ADGRB1: variants seen among roughly 807,000 people sequenced by gnomAD.
The protein encoded by ADGRB1 is brain-specific angiogenesis inhibitor 1.
A neutral mutation model predicts 175.7 loss-of-function variants in ADGRB1; 36 were observed. The ratio of observed to expected loss-of-function variants is 0.20; its 90% CI spans 0.16 to 0.27. The LOEUF (loss-of-function observed/expected upper bound fraction) is 0.27. Ranked by LOEUF, ADGRB1 falls within the 10% of genes least tolerant of loss-of-function variation. The pLI is 1.00. For synonymous variants in ADGRB1, 1,054 were observed against 979.4 expected, an observed-to-expected ratio of 1.08 and a Z score of -1.42; for missense variants, 1,731 against 2,255.3, an observed-to-expected ratio of 0.77 and a Z score of 4.71.
rs966750009 is a variant in ADGRB1, at chr8:142,464,309, G to C, written c.111G>C (p.Gly37=). 7.0e-7 allele frequency: 1 copy of C among 1,435,910 alleles called. No homozygotes were observed. The highest frequency in any genetic ancestry group is 9.1e-7 in the Non-Finnish European group (1 of 1,101,912). 88.9% of individuals were successfully genotyped at this position (1,435,910 alleles called of 1,614,324 possible). A position where few individuals can be genotyped will look rare whatever the true frequency, so the allele number is the denominator to read the frequency against. The stretch of plus-strand genomic sequence containing the variant: ...GGGCGGCCGCCGGAGCAGACGCGGG[G>C]CCCGGGCCCGAGCCGTGCGCCACGC... ...RARAAAGADA[G]PGPEPCATLV... Residue 37 remains glycine, a synonymous_variant, in exon 2 of 31, where the codon GGG becomes GGC. Transcript: ENST00000517894.
At position 142,512,865 on chromosome 8, in the gene ADGRB1, T is replaced by G. The variant is rs1843177862; in HGVS notation, c.2817+1792T>G. 3.3e-5 allele frequency among the ~76,000 whole-genome samples: 5 copies of G among 152,036 alleles called. No individual in the cohort carries two copies. The South Asian group carries it at 1.0e-3, about 32-fold the overall frequency. ...GGGCTGAAGGGGGTGCCCCTGAAAT[T>G]CCAGCAGCAGGGGCCTTGATGCTGA... On this transcript the variant is annotated intron_variant, in intron 18 of 30. Coordinates refer to ENST00000517894, the MANE Select transcript of ADGRB1 (RefSeq NM_001702.3).
chr8:142,490,011 T>G (rs1221985383), intron 16 of ADGRB1, among the ~76,000 whole-genome samples: 1 of 152,174 alleles, frequency 6.6e-6, no homozygotes, highest in Non-Finnish European at 1.5e-5. Flanking sequence ...CGAGATGCCC[T>G]TCTGATGGGC....
rs974252897 is a variant in ADGRB1, at chr8:142,455,474, G to C, written c.-220+5370G>C. 6.6e-6 allele frequency among the ~76,000 whole-genome samples: 1 copy of C among 152,168 alleles called. No homozygotes were observed. The highest frequency in any genetic ancestry group is 2.1e-4 in the South Asian group (1 of 4,832). On this transcript the variant is annotated intron_variant, in intron 1 of 30. Coordinates refer to ENST00000517894, the MANE Select transcript of ADGRB1 (RefSeq NM_001702.3). The surrounding 1 kb of genome is among the most constrained non-coding windows in gnomAD (Gnocchi z 4.9). Reference sequence around the variant, plus strand: ...TTCGCTGTCAGGCCCCCAACCACTTGCCTTCCTGGGAGAGGAGCATGCGGC... The same window carrying C: ...TTCGCTGTCAGGCCCCCAACCACTTCCCTTCCTGGGAGAGGAGCATGCGGC...
intron 19 of ADGRB1, among the ~76,000 whole-genome samples, chr8:142,520,414 A>G (rs972901753): frequency 1.3e-3 from 3 of 2,318 alleles, no homozygotes; most frequent in African/African-American, 3.1e-3. Context: ...GGTAATGGTG[A>G]TAGTGGTAAT....
rs1462113824 is a variant in ADGRB1 at position 142,464,533 on chromosome 8, G to C, written c.335G>C (p.Arg112Pro). ...YQFDSFLEST[R>P]TYLGVESFDE... ...TTCGACTCCTTCCTCGAGTCCACGCGCACCTACCTGGGCGTGGAGAGCTTC... is the reference window on the plus strand; with the variant it reads ...TTCGACTCCTTCCTCGAGTCCACGCCCACCTACCTGGGCGTGGAGAGCTTC... The change falls in exon 2 of 31, where the codon CGC becomes CCC. Residue 112 changes from arginine to proline, a missense_variant. By Grantham distance (103) the Arg-to-Pro change is moderately radical. Coordinates refer to ENST00000517894, the MANE Select transcript of ADGRB1 (RefSeq NM_001702.3). The C allele has an allele frequency of 6.4e-7, 1 of 1,569,062 alleles. No individual in the cohort carries two copies. Among genetic ancestry groups the C allele is most frequent in the Non-Finnish European group, 8.6e-7 (1 of 1,160,412 alleles).
chr8:142,479,160 C>A, intron 7 of ADGRB1, 163 bp from the exon 8 acceptor site: 1 of 745,922 alleles, frequency 1.3e-6, no homozygotes, highest in Non-Finnish European at 1.9e-6. Flanking sequence ...CTCTCCTGGT[C>A]TGAATTTCCC....
At chr8:142,475,664 G>GGAGCCC in intron 3 of ADGRB1, 29 bp downstream of exon 3, 1 of 1,224,378 alleles carries the variant, frequency 8.2e-7, no homozygotes, top group East Asian at 3.2e-5. Context: ...GGGCGGAGCC[G>GGAGCCC]GAGCCCTGGA....
intron 17 of ADGRB1, among the ~76,000 whole-genome samples, chr8:142,502,414 G>GTGA (rs1563719046): frequency 4.9e-4 from 4 of 8,148 alleles, no homozygotes; most frequent in Non-Finnish European, 1.0e-3. Flanking sequence ...GGTGGTGGTG[G>GTGA]TGGTGATGGT....
chr8:142,495,254 C>G (rs1392674547), intron 17 of ADGRB1, among the ~76,000 whole-genome samples: 1 of 151,658 alleles, frequency 6.6e-6, no homozygotes, highest in Non-Finnish European at 1.5e-5. Flanking sequence ...AGCGGAAGAA[C>G]AGTCTCATGG....
chr8:142,533,413 G>A lies in ADGRB1; in HGVS notation c.3517G>A (p.Asp1173Asn), dbSNP rs755969656. ...ALFQILFAVFDSLEGFVIVMV... is the reference protein window; with the variant it reads ...ALFQILFAVFNSLEGFVIVMV... ...CTTCCAGATCCTCTTCGCTGTCTTCGACTCGCTGGAGGGCTTCGTCATCGT... is the reference window on the plus strand; with the variant it reads ...CTTCCAGATCCTCTTCGCTGTCTTCAACTCGCTGGAGGGCTTCGTCATCGT... Residue 1173 changes from aspartate to asparagine, a missense_variant, in exon 25 of 31, where the codon GAC (aspartate) becomes AAC (asparagine). Physicochemically the swap from Asp to Asn is conservative, Grantham distance 23. Coordinates refer to ENST00000517894, the MANE Select transcript of ADGRB1 (RefSeq NM_001702.3). 8.7e-6 allele frequency: 14 copies of A among 1,612,570 alleles called. No homozygotes were observed. The highest frequency in any genetic ancestry group is 3.3e-5 in the South Asian group (3 of 91,056).
intron 2 of ADGRB1, among the ~76,000 whole-genome samples, chr8:142,467,287 T>C (rs1272941703): frequency 4.6e-5 from 7 of 152,184 alleles, no homozygotes; most frequent in African/African-American, 1.7e-4. Flanking sequence ...GCAGAAGAGA[T>C]GTCAGCCCTG....
chr8:142,478,223 G>A lies in ADGRB1; in HGVS notation c.1424G>A (p.Ser475Asn). 1 of 1,607,822 alleles carries A rather than the reference G, an allele frequency of 6.2e-7. No homozygotes were observed. The highest frequency in any genetic ancestry group is 8.5e-7 in the Non-Finnish European group (1 of 1,177,882). The change falls in exon 7 of 31, where the codon AGC becomes AAC. Residue 475 changes from serine to asparagine, a missense_variant. Physicochemically the swap from Ser to Asn is conservative, Grantham distance 46. Around this residue, in one of 8 missense-constraint regions of ADGRB1, gnomAD observed 388 missense variants for 630.9 expected, o/e 0.61. Coordinates refer to ENST00000517894, the MANE Select transcript of ADGRB1 (RefSeq NM_001702.3). ...GATGGAAACTGGAATGAGTGGTCGA[G>A]CTGGAGCGCCTGCTCCGCCAGCTGC... Reference protein sequence around the residue: ...AVDGNWNEWSSWSACSASCSQ... With the variant: ...AVDGNWNEWSNWSACSASCSQ...
chr8:142,462,707 G>A (rs1840034554), intron 1 of ADGRB1, among the ~76,000 whole-genome samples: 1 of 152,252 alleles, frequency 6.6e-6, no homozygotes, highest in Admixed American at 6.5e-5. Context: ...CAGAGCGGAG[G>A]CATCCCCACC....
rs1263402306 is a variant in ADGRB1, at chr8:142,544,116, C to T, written c.4558-104C>T. The T allele has an allele frequency of 5.3e-5, 67 of 1,257,184 alleles. No individual in the cohort carries two copies. The South Asian group carries it at 8.5e-4, about 16-fold the overall frequency. The allele number at this position is 1,257,184 out of a possible 1,614,324, so 77.9% of individuals were successfully genotyped here. A position where few individuals can be genotyped will look rare whatever the true frequency, so the allele number is the denominator to read the frequency against. ...CCCCTGTCCCCTGTCCCCCACCTCCCGTCCCTTCCTCACTGATTCGTGTCT... is the reference window on the plus strand; with the variant it reads ...CCCCTGTCCCCTGTCCCCCACCTCCTGTCCCTTCCTCACTGATTCGTGTCT... On this transcript the variant is annotated intron_variant, in intron 30 of 30. Coordinates refer to ENST00000517894, the MANE Select transcript of ADGRB1 (RefSeq NM_001702.3).
At chr8:142,506,283 G>A (rs1459897108) in intron 17 of ADGRB1, among the ~76,000 whole-genome samples, 2 of 152,210 alleles carry the variant, frequency 1.3e-5, no homozygotes, top group African/African-American at 4.8e-5. Flanking sequence ...TATCTAAGGG[G>A]AAAGGCACAG....
At position 142,537,158 on chromosome 8, in the gene ADGRB1, G is replaced by A. The variant is rs543354651; in HGVS notation, c.3666+76G>A. 572 of 1,200,672 alleles carry A rather than the reference G, an allele frequency of 4.8e-4. 2 individuals carry two copies. The African/African-American group carries it at 5.7e-3, about 12-fold the overall frequency. The allele number at this position is 1,200,672 out of a possible 1,614,324, so 74.4% of individuals were successfully genotyped here. On this transcript the variant is annotated intron_variant, in intron 26 of 30. Transcript: ENST00000517894. This position sits in a 1 kb window ranked among gnomAD's most constrained non-coding sequence, Gnocchi z 4.6. The stretch of plus-strand genomic sequence containing the variant: ...CGCCAAGTGCCTCCAGGCCCTCACC[G>A]TGCCCCAAGCTCCCCTAGGCCCCAG...
At position 142,504,589 on chromosome 8, in the gene ADGRB1, G is replaced by A. The variant is rs1478702514; in HGVS notation, c.2676-6343G>A. On this transcript the variant is annotated intron_variant, in intron 17 of 30. Transcript: ENST00000517894. This position sits in a 1 kb window ranked among gnomAD's most constrained non-coding sequence, Gnocchi z 5.6. The stretch of plus-strand genomic sequence containing the variant: ...GCAATGCCCAGGAGCTCATGGAAGG[G>A]CAGGGGGGAAGTCTGGTTATCCAGG... Among the ~76,000 whole-genome samples, 1 of 152,124 alleles carries A rather than the reference G, an allele frequency of 6.6e-6. No individual in the cohort carries two copies. The highest frequency in any genetic ancestry group is 1.5e-5 in the Non-Finnish European group (1 of 67,990).
intron 18 of ADGRB1, among the ~76,000 whole-genome samples, chr8:142,512,803 T>C (rs931999485): frequency 6.6e-6 from 1 of 152,214 alleles, no homozygotes; most frequent in Non-Finnish European, 1.5e-5. Context: ...AGAGTGGGCC[T>C]GGCTTAGGGA....
chr8:142,502,546 AGGT>A (rs748150541), intron 17 of ADGRB1, among the ~76,000 whole-genome samples: 10,547 of 32,012 alleles, frequency 0.33, 939 homozygotes, highest in African/African-American at 0.43. Context: ...ATGGAGGCAG[AGGT>A]GGTGGTGGTG....
Sources: gnomAD v4.1 joint callset for allele counts (sites outside exome capture counted in the v4.1 genomes callset) on GRCh38, gnomAD v4.1.1 for gene constraint, gnomAD v4.1.1 regional missense constraint, Gnocchi (gnomAD v3.1) non-coding constraint, MANE v1.5 for transcripts, NCBI Gene and HGNC (gene_info 2026-07-23, HGNC 2026-07-21) for gene names.